Variants in HECTD4 observed in about 807,000 individuals in gnomAD.
The protein encoded by HECTD4 is HECT domain E3 ubiquitin protein ligase 4, also known as probable E3 ubiquitin-protein ligase HECTD4.
A neutral mutation model predicts 471.5 loss-of-function variants in HECTD4; 114 were observed. The ratio of observed to expected loss-of-function variants is 0.24; its 90% CI spans 0.21 to 0.28. The LOEUF (loss-of-function observed/expected upper bound fraction) is 0.28, where lower values mean the gene tolerates loss of function less well. Among genes scored for constraint, HECTD4 ranks in the 10% least tolerant of loss-of-function variants. HECTD4 has a pLI of 1.00. For missense variants in HECTD4, 3,866 were observed against 5,651.5 expected, an observed-to-expected ratio of 0.68 and a Z score of 10.13; for synonymous variants, 2,012 against 2,256.0, an observed-to-expected ratio of 0.89 and a Z score of 3.07.
At chr12:112,207,759 T>C in intron 52 of HECTD4, 115 bp downstream of exon 52, 1 of 1,174,686 alleles carries the variant, frequency 8.5e-7, no homozygotes, top group Non-Finnish European at 1.2e-6. Context: ...TCAAAGACAC[T>C]GTTAAGTATG....
At chr12:112,268,721 A>C (rs916554899) in intron 13 of HECTD4, among the ~76,000 whole-genome samples, 2 of 150,776 alleles carry the variant, frequency 1.3e-5, no homozygotes, top group Admixed American at 6.6e-5. Context: ...ACACCACTGC[A>C]CTCGAGCCTG....
intron 13 of HECTD4, among the ~76,000 whole-genome samples, chr12:112,268,700 G>A (rs1355218592): frequency 6.6e-6 from 1 of 150,744 alleles, no homozygotes; most frequent in Non-Finnish European, 1.5e-5. Context: ...AGATTGCGGT[G>A]AGCTGAGATC....
intron 72 of HECTD4, among the ~76,000 whole-genome samples, 175 bp from the exon 73 acceptor site, chr12:112,164,450 G>A (rs1041578201): frequency 1.7e-4 from 26 of 152,124 alleles, no homozygotes; most frequent in African/African-American, 5.3e-4. Flanking sequence ...AGGGCCGGGC[G>A]TGTGACCCAG....
At chr12:112,343,548 T>A (rs979933812) in intron 1 of HECTD4, among the ~76,000 whole-genome samples, 1 of 152,030 alleles carries the variant, frequency 6.6e-6, no homozygotes, top group East Asian at 1.9e-4. Context: ...GGAGGGAGGA[T>A]CACTTGAGGT....
chr12:112,246,878 T>G, intron 29 of HECTD4, 23 bp downstream of exon 29: 1 of 1,599,734 alleles, frequency 6.3e-7, no homozygotes, highest in Non-Finnish European at 8.5e-7. Context: ...AGAAGCCGAT[T>G]AGGGGCTATC....
chr12:112,354,482 T>A (rs2036297764), intron 1 of HECTD4, among the ~76,000 whole-genome samples: 2 of 152,188 alleles, frequency 1.3e-5, no homozygotes, highest in African/African-American at 2.4e-5. Flanking sequence ...AGCCAGTAGT[T>A]TGAGACTAGT....
chr12:112,272,524 G>A (rs1305646300), intron 11 of HECTD4, among the ~76,000 whole-genome samples: 2 of 152,292 alleles, frequency 1.3e-5, no homozygotes, highest in Non-Finnish European at 2.9e-5. Flanking sequence ...CAAAGTTCAC[G>A]CGGTTTTAAA....
intron 49 of HECTD4, among the ~76,000 whole-genome samples, chr12:112,210,809 C>T (rs2135543519): frequency 6.6e-6 from 1 of 152,306 alleles, no homozygotes; most frequent in African/African-American, 2.4e-5. Context: ...TCCAACTGAT[C>T]ATAACCCAAT....
intron 28 of HECTD4, 78 bp from the exon 29 acceptor site, chr12:112,247,154 G>A (rs2033780988): frequency 1.0e-5 from 12 of 1,198,850 alleles, no homozygotes; most frequent in Non-Finnish European, 1.3e-5. Context: ...TGTTTACAAA[G>A]AATAAGAGAA....
intron 44 of HECTD4, among the ~76,000 whole-genome samples, chr12:112,221,710 C>A (rs1312100385): frequency 6.6e-6 from 1 of 151,802 alleles, no homozygotes; most frequent in Non-Finnish European, 1.5e-5. Flanking sequence ...TCACTTGAGC[C>A]CAGAGGCAAC....
At position 112,290,848 on chromosome 12, in the gene HECTD4, C is replaced by CAAAAAAAAAAAA. The variant is rs773634720; in HGVS notation, c.1336-7547_1336-7546insTTTTTTTTTTTT. On this transcript the variant is annotated intron_variant, in intron 7 of 75. Transcript: ENST00000682272. ...GAGCAACAAGAGCGAAACTCCGTCT[C>CAAAAAAAAAAAA]AAAAAAAAACAAAACAAAAAAAAAA... Among the ~76,000 whole-genome samples the CAAAAAAAAAAAA allele has an allele frequency of 2.8e-3, 241 of 86,168 alleles. 32 individuals are homozygous for CAAAAAAAAAAAA. In the East Asian group the frequency reaches 0.079, roughly 28 times the overall value. The allele number at this position is 86,168 out of a possible 152,430, so 56.5% of individuals were successfully genotyped here.
chr12:112,228,955 G>A lies in HECTD4; in HGVS notation c.6520-144C>T, dbSNP rs1272199857. ...ATACTACTAGGGTAGCAGATACCAA[G>A]CCCTAGACATGACTTATAATAGGCC... On this transcript the variant is annotated intron_variant, in intron 41 of 75. Coordinates refer to ENST00000682272, the MANE Select transcript of HECTD4 (RefSeq NM_001388303.1). This position sits in a 1 kb window ranked among gnomAD's most constrained non-coding sequence, Gnocchi z 4.9. The A allele has an allele frequency of 9.1e-6, 7 of 773,040 alleles. No homozygotes were observed. Among genetic ancestry groups the A allele is most frequent in the Non-Finnish European group, 1.5e-5 (7 of 469,060 alleles). 47.9% of individuals were successfully genotyped at this position (773,040 alleles called of 1,614,324 possible).
intron 2 of HECTD4, among the ~76,000 whole-genome samples, chr12:112,315,458 A>G (rs2035459855): frequency 6.6e-6 from 1 of 152,168 alleles, no homozygotes. Context: ...CATTAATAGA[A>G]GGCAAGGAGG....
intron 1 of HECTD4, among the ~76,000 whole-genome samples, chr12:112,343,385 A>G (rs2036087191): frequency 6.6e-6 from 1 of 152,254 alleles, no homozygotes; most frequent in Admixed American, 6.5e-5. Flanking sequence ...TTTATGTATG[A>G]CATGGCTTCT....
Position 112,193,141 on chromosome 12 carries a change from T to C in HECTD4, c.9006A>G (p.Lys3002=), listed in dbSNP as rs562191207. 2 of 1,613,926 alleles carry C rather than the reference T, an allele frequency of 1.2e-6. No homozygotes were observed. The highest frequency in any genetic ancestry group is 2.7e-5 in the African/African-American group (2 of 75,006). Residue 3002 remains lysine (K), a synonymous_variant, in exon 58 of 76, where the codon AAA becomes AAG. Coordinates refer to ENST00000682272, the MANE Select transcript of HECTD4 (RefSeq NM_001388303.1). The surrounding 1 kb of genome is among the most constrained non-coding windows in gnomAD (Gnocchi z 5.2). ...CGGGGAAATTCACGTCCATGTTGAC[T>C]TTGGATTCGGAAATTGGGAACTCTT... ...PSEEFPISES[K]VNMDVNFPGA... is the part of the protein sequence containing the mutation.
intron 32 of HECTD4, 57 bp from the exon 33 acceptor site, chr12:112,240,084 A>T: frequency 6.3e-7 from 1 of 1,576,876 alleles, no homozygotes. Flanking sequence ...ACAGTGGCTG[A>T]GCAGGAGAGG....
intron 44 of HECTD4, among the ~76,000 whole-genome samples, chr12:112,220,638 A>G (rs1231640017): frequency 6.6e-6 from 1 of 152,002 alleles, no homozygotes; most frequent in Non-Finnish European, 1.5e-5. Flanking sequence ...GTCTACAAAA[A>G]ATACAAAAAT....
chr12:112,360,215 A>C (rs1021087006), intron 1 of HECTD4, among the ~76,000 whole-genome samples: 7 of 152,190 alleles, frequency 4.6e-5, no homozygotes, highest in African/African-American at 7.2e-5. Flanking sequence ...GCTACTTGGG[A>C]GGCTGGGGCA....
chr12:112,246,833 TTATATGAACAGAG>T, intron 29 of HECTD4, 55 bp downstream of exon 29: 2 of 1,390,698 alleles, frequency 1.4e-6, no homozygotes, highest in Non-Finnish European at 1.9e-6. Flanking sequence ...GCTGTGTGTC[TTATATGAACAGAG>T]TATATTCTCT....
Sources: allele counts gnomAD v4.1 joint callset (sites outside exome capture counted in the v4.1 genomes callset), GRCh38; gene constraint gnomAD v4.1.1; non-coding constraint Gnocchi (gnomAD v3.1); transcripts MANE v1.5; gene names NCBI Gene and HGNC (gene_info 2026-07-23, HGNC 2026-07-21).